The following CYB5A variants were observed in gnomAD, a reference collection of about 807,000 sequenced individuals.
The protein encoded by CYB5A is cytochrome b5.
CYB5A carries 10 observed loss-of-function variants against 16.2 expected under a neutral mutation model. That is an observed-to-expected ratio of 0.62 (90% CI 0.38 to 1.04). CYB5A has a LOEUF of 1.04. Ranked by LOEUF, CYB5A falls within the 50% of genes least tolerant of loss-of-function variation. The pLI is 0.01. For missense variants in CYB5A, 161 were observed against 165.9 expected (o/e 0.97, Z 0.16); for synonymous variants, 62 against 57.0 (o/e 1.09, Z -0.40).
chr18:74,270,257 C>A (rs149164277), intron 1 of CYB5A, among the ~76,000 whole-genome samples: 2 of 152,138 alleles, frequency 1.3e-5, no homozygotes, highest in Non-Finnish European at 2.9e-5. Flanking sequence ...CCTGATTTCC[C>A]CATCTAAAGC....
intron 1 of CYB5A, among the ~76,000 whole-genome samples, chr18:74,288,835 A>G (rs1248038843): frequency 6.6e-6 from 1 of 152,238 alleles, no homozygotes; most frequent in Non-Finnish European, 1.5e-5. Context: ...AGAGATGGTC[A>G]CAGAAAGTCA....
At chr18:74,274,423 G>A (rs3794945) in intron 1 of CYB5A, among the ~76,000 whole-genome samples, 8,366 of 152,190 alleles carry the variant, frequency 0.055, 624 homozygotes, top group East Asian at 0.18. Flanking sequence ...AAACTGGCAA[G>A]ATAAAATAAA....
intron 1 of CYB5A, among the ~76,000 whole-genome samples, chr18:74,281,071 A>C (rs1016116668): frequency 6.6e-6 from 1 of 152,070 alleles, no homozygotes; most frequent in Non-Finnish European, 1.5e-5. Flanking sequence ...AATTGGTGAG[A>C]TTCTGACATT....
intron 1 of CYB5A, among the ~76,000 whole-genome samples, chr18:74,275,703 G>A (rs1451206478): frequency 6.6e-6 from 1 of 152,168 alleles, no homozygotes; most frequent in Non-Finnish European, 1.5e-5. Flanking sequence ...CATGCAGCAA[G>A]CAACAAGAGG....
intron 1 of CYB5A, among the ~76,000 whole-genome samples, chr18:74,285,293 C>T (rs1983275692): frequency 1.3e-5 from 2 of 152,202 alleles, no homozygotes; most frequent in Admixed American, 6.5e-5. Context: ...TACTCAGTTT[C>T]CCATGTAGTC....
At chr18:74,264,939 C>G (rs140676084) in intron 1 of CYB5A, among the ~76,000 whole-genome samples, 1 of 90,912 alleles carries the variant, frequency 1.1e-5, no homozygotes, top group East Asian at 3.5e-4. Flanking sequence ...ATCCTAAATA[C>G]GTACTTTTGT....
At chr18:74,265,191 A>G (rs973582099) in intron 1 of CYB5A, among the ~76,000 whole-genome samples, 7 of 152,184 alleles carry the variant, frequency 4.6e-5, no homozygotes, top group Admixed American at 2.6e-4. Flanking sequence ...AAACATACCT[A>G]GTGCTAAGGA....
chr18:74,268,208 GT>G (rs959146573), intron 1 of CYB5A, among the ~76,000 whole-genome samples: 8 of 152,326 alleles, frequency 5.3e-5, no homozygotes, highest in African/African-American at 1.9e-4. Context: ...GAAAGGAAAT[GT>G]CCTCAGGTGA....
At position 74,256,856 on chromosome 18, in the gene CYB5A, GAC is replaced by G. The variant is rs765726746; in HGVS notation, c.289-1083_289-1082del. 6.8e-6 allele frequency: 11 copies of G among 1,613,404 alleles called. No individual in the cohort carries two copies. In the South Asian group the frequency reaches 1.1e-4, roughly 16 times the overall value. On this transcript the variant is annotated intron_variant, in intron 3 of 4. Coordinates refer to ENST00000340533, the MANE Select transcript of CYB5A (RefSeq NM_148923.4). ...TTGAAACACCGCCTTTAAGGTTCCT[GAC>G]ACAGTAGGGGAAAAAAGGTAAGTCA... is the stretch of plus-strand genomic sequence containing the variant.
intron 1 of CYB5A, among the ~76,000 whole-genome samples, chr18:74,283,278 A>G (rs1983188083): frequency 6.6e-6 from 1 of 152,196 alleles, no homozygotes; most frequent in Non-Finnish European, 1.5e-5. Flanking sequence ...TTCCCAGGGC[A>G]GTCATTTAAG....
chr18:74,260,978 T>A lies in CYB5A; in HGVS notation c.259-34A>T, dbSNP rs1982177329. 3 of 1,579,354 alleles carry A rather than the reference T, an allele frequency of 1.9e-6. No homozygotes were observed. In the African/African-American group the frequency reaches 4.0e-5, roughly 21 times the overall value. On this transcript the variant is annotated intron_variant, in intron 2 of 4. Coordinates refer to ENST00000340533, the MANE Select transcript of CYB5A (RefSeq NM_148923.4). Reference sequence around the variant, plus strand: ...AAAAGATAAGGCACATTATGGAATTTAAAAATCTATGAAAGTACCACTTCC... The same window carrying A: ...AAAAGATAAGGCACATTATGGAATTAAAAAATCTATGAAAGTACCACTTCC...
intron 1 of CYB5A, among the ~76,000 whole-genome samples, chr18:74,276,562 A>ACACACACC (rs749005983): frequency 5.4e-5 from 8 of 147,986 alleles, no homozygotes; most frequent in Admixed American, 2.1e-4. Flanking sequence ...ACACACACAC[A>ACACACACC]CCCTTCTGTC....
At chr18:74,267,251 G>C (rs1027027719) in intron 1 of CYB5A, among the ~76,000 whole-genome samples, 2 of 152,048 alleles carry the variant, frequency 1.3e-5, no homozygotes, top group Non-Finnish European at 2.9e-5. Context: ...CCGCCTCCCA[G>C]GTTCAAGCAA....
chr18:74,255,124 C>A (rs1981921996), intron 4 of CYB5A, among the ~76,000 whole-genome samples: 1 of 152,018 alleles, frequency 6.6e-6, no homozygotes, highest in Non-Finnish European at 1.5e-5. Context: ...TCCAGAACAC[C>A]AACGGACTGA....
At chr18:74,270,862 AT>A (rs1413132320) in intron 1 of CYB5A, among the ~76,000 whole-genome samples, 3 of 152,126 alleles carry the variant, frequency 2.0e-5, no homozygotes, top group Non-Finnish European at 4.4e-5. Flanking sequence ...TTTCATATCA[AT>A]TTGTTTCTAA....
At chr18:74,278,214 C>T (rs185310710) in intron 1 of CYB5A, among the ~76,000 whole-genome samples, 350 of 152,264 alleles carry the variant, frequency 2.3e-3, no homozygotes, top group East Asian at 7.2e-3. Context: ...CCTGACTCCA[C>T]GCCAAGTCTC....
At position 74,260,455 on chromosome 18, in the gene CYB5A, T is replaced by A. The variant is rs149829708; in HGVS notation, c.288+460A>T. On this transcript the variant is annotated intron_variant, in intron 3 of 4. Coordinates refer to ENST00000340533, the MANE Select transcript of CYB5A (RefSeq NM_148923.4). Reference sequence around the variant, plus strand: ...GTAAGTCAAAAGGGTATTATTTAATTTCATTAAATTCATCTGACAAGTATT... The same window carrying A: ...GTAAGTCAAAAGGGTATTATTTAATATCATTAAATTCATCTGACAAGTATT... 282 of 243,032 alleles carry A rather than the reference T, an allele frequency of 1.2e-3. 1 individual carries two copies. The highest frequency in any genetic ancestry group is 6.3e-3 in the African/African-American group (272 of 42,868). 15.1% of individuals were successfully genotyped at this position (243,032 alleles called of 1,614,324 possible).
At position 74,255,661 on chromosome 18, in the gene CYB5A, AGGT is replaced by A. The variant is rs576584425; in HGVS notation, c.323+77_323+79del. The A allele has an allele frequency of 7.5e-4, 878 of 1,172,132 alleles. 16 individuals are homozygous for A. In the South Asian group the frequency reaches 0.01, roughly 14 times the overall value. The allele number at this position is 1,172,132 out of a possible 1,614,324, so 72.6% of individuals were successfully genotyped here. ...ACAGTGTCAGGCCCAGGAACCCAGA[AGGT>A]GGGGGACGCACCTTGTCCAACCTGG... On this transcript the variant is annotated intron_variant, in intron 4 of 4. Transcript: ENST00000340533.
rs1040122670 is a variant in CYB5A, at chr18:74,291,954, C to A, written c.-79G>T. The A allele has an allele frequency of 1.2e-4, 187 of 1,597,264 alleles. No individual in the cohort carries two copies. Among genetic ancestry groups the A allele is most frequent in the Non-Finnish European group, 1.4e-4 (169 of 1,177,246 alleles). Reference sequence around the variant, plus strand: ...AGCGCGCGACTCAGCCAGCTCCACCCGGGACATTCCCCGCGCCGGGAACCC... The same window carrying A: ...AGCGCGCGACTCAGCCAGCTCCACCAGGGACATTCCCCGCGCCGGGAACCC... On this transcript the variant is annotated 5_prime_UTR_variant, in exon 1 of 5. Coordinates refer to ENST00000340533, the MANE Select transcript of CYB5A (RefSeq NM_148923.4).
Sources: gnomAD v4.1 joint callset for allele counts (sites outside exome capture counted in the v4.1 genomes callset) on GRCh38, gnomAD v4.1.1 for gene constraint, MANE v1.5 for transcripts, NCBI Gene and HGNC (gene_info 2026-07-23, HGNC 2026-07-21) for gene names.